The following MOK variants were observed in gnomAD, a reference collection of about 807,000 sequenced individuals.
MOK encodes the protein MOK protein kinase.
MOK carries 59 observed loss-of-function variants against 54.2 expected under a neutral mutation model. The ratio of observed to expected loss-of-function variants is 1.09; its 90% CI spans 0.88 to 1.35. MOK has a LOEUF of 1.35. Ranked by LOEUF, MOK falls within the 40% of genes most tolerant of loss-of-function variation. The probability of loss-of-function intolerance (pLI) is 0.00; values close to 1 mark genes in which losing one functional copy is unlikely to be tolerated. For synonymous variants in MOK, 210 were observed against 202.7 expected (o/e 1.04, Z -0.31); for missense variants, 517 against 526.2 (o/e 0.98, Z 0.17).
chr14:102,272,360 C>T (rs571353034), intron 2 of MOK, among the ~76,000 whole-genome samples: 5 of 152,042 alleles, frequency 3.3e-5, no homozygotes, highest in South Asian at 2.1e-4. Context: ...TGGTGGCACG[C>T]GCCTGTAATC....
At chr14:102,294,408 T>C (rs755310658) in intron 1 of MOK, among the ~76,000 whole-genome samples, 8 of 145,512 alleles carry the variant, frequency 5.5e-5, no homozygotes, top group Non-Finnish European at 1.0e-4. Flanking sequence ...ATAGCGCCAC[T>C]GCACTCCAGC....
At chr14:102,217,599 GTCCCT>G in the MOK span, among the ~76,000 whole-genome samples, 34 of 152,218 alleles carry the variant, frequency 2.2e-4, 1 homozygote, top group Admixed American at 1.8e-3. Context: ...GGGTCCCGAC[GTCCCT>G]GGGCTGGGCC....
chr14:102,287,317 A>G (rs941093765), intron 1 of MOK, among the ~76,000 whole-genome samples: 3 of 151,856 alleles, frequency 2.0e-5, no homozygotes, highest in Non-Finnish European at 4.4e-5. Flanking sequence ...ACAAATACAA[A>G]ACTTGGCCAG....
intron 10 of MOK, 112 bp from the exon 11 acceptor site, chr14:102,229,769 CATAAG>C: frequency 1.0e-6 from 1 of 999,832 alleles, no homozygotes; most frequent in Non-Finnish European, 1.4e-6. Context: ...ATTTCTTGAC[CATAAG>C]ATGTGACTGG....
At chr14:102,247,060 C>T (rs975230367) in intron 7 of MOK, among the ~76,000 whole-genome samples, 11 of 152,104 alleles carry the variant, frequency 7.2e-5, no homozygotes, top group Admixed American at 2.0e-4. Context: ...CCCTTGGCTC[C>T]CCTCTCCATG....
the MOK span, among the ~76,000 whole-genome samples, chr14:102,215,673 T>A: frequency 1.3e-5 from 2 of 152,146 alleles, no homozygotes; most frequent in Non-Finnish European, 2.9e-5. Context: ...CTAGAGTTCA[T>A]TGTCTGCCTA....
the MOK span, among the ~76,000 whole-genome samples, chr14:102,217,891 C>T: frequency 3.2e-4 from 49 of 152,378 alleles, 1 homozygote; most frequent in African/African-American, 7.7e-4. Context: ...ACATTTAACT[C>T]GTGTTCTCCC....
At chr14:102,227,789 G>A (rs552373274), downstream of MOK, among the ~76,000 whole-genome samples, 212 of 152,238 alleles carry the variant, frequency 1.4e-3, no homozygotes, top group Non-Finnish European at 2.0e-3. Flanking sequence ...CGCGTGGCCC[G>A]CGGTCCATCT....
At chr14:102,294,015 AG>A (rs1287954718) in intron 1 of MOK, among the ~76,000 whole-genome samples, 2 of 151,972 alleles carry the variant, frequency 1.3e-5, no homozygotes, top group African/African-American at 4.8e-5. Context: ...GATCACGGGA[AG>A]GGGCCAGGTG....
chr14:102,233,808 C>A lies in MOK; in HGVS notation c.591-19G>T, dbSNP rs376348272. On this transcript the variant is annotated intron_variant, in intron 7 of 11. Transcript: ENST00000361847. The stretch of plus-strand genomic sequence containing the variant: ...CTGCAGACTGGAAGGGCAGAAGGGG[C>A]ACTGTGGTCAGTGTTAGGGCAGAGC... The A allele has an allele frequency of 6.3e-7, 1 of 1,580,218 alleles. No homozygotes were observed. Among genetic ancestry groups the A allele is most frequent in the Admixed American group, 1.7e-5 (1 of 59,962 alleles).
At chr14:102,266,029 T>C in intron 2 of MOK, 117 bp from the exon 3 acceptor site, 1 of 742,540 alleles carries the variant, frequency 1.3e-6, no homozygotes, top group Non-Finnish European at 2.2e-6. Flanking sequence ...AGCAAGTTAA[T>C]CAGGTTTTAT....
intron 2 of MOK, among the ~76,000 whole-genome samples, chr14:102,282,803 G>A (rs2069587130): frequency 6.6e-6 from 1 of 151,958 alleles, no homozygotes; most frequent in African/African-American, 2.4e-5. Context: ...TGTAATCCCA[G>A]CACTTTGGAA....
At chr14:102,239,431 C>T (rs922660760) in intron 7 of MOK, among the ~76,000 whole-genome samples, 7 of 152,150 alleles carry the variant, frequency 4.6e-5, no homozygotes, top group Admixed American at 3.3e-4. Flanking sequence ...AAACAGGCCT[C>T]CTTCTGATTC....
chr14:102,224,123 G>C (rs1044347552), downstream of MOK, among the ~76,000 whole-genome samples: 3 of 146,644 alleles, frequency 2.0e-5, no homozygotes, highest in Non-Finnish European at 4.5e-5. Flanking sequence ...CTCACTGCAA[G>C]CTCCGCCTCC....
chr14:102,241,864 G>C (rs56870778), intron 7 of MOK, among the ~76,000 whole-genome samples: 31,132 of 152,230 alleles, frequency 0.2, 3,684 homozygotes, highest in African/African-American at 0.32. Flanking sequence ...GCAGTGGCCA[G>C]GCGTTCCTCC....
downstream of MOK, chr14:102,223,066 A>G (rs190431136): frequency 3.4e-3 from 1,977 of 587,622 alleles, 6 homozygotes; most frequent in Non-Finnish European, 4.8e-3. Context: ...CACCCAAAGA[A>G]GTTGTTTCCA....
chr14:102,277,239 TG>T (rs2068963446), intron 2 of MOK: 1 of 151,796 alleles, frequency 6.6e-6, no homozygotes, highest in Non-Finnish European at 1.5e-5. Context: ...AGCCCAAAAC[TG>T]GAAACTATCA....
chr14:102,293,701 C>CAAAAAAAAAAAA (rs10598736), intron 1 of MOK, among the ~76,000 whole-genome samples: 10 of 54,606 alleles, frequency 1.8e-4, no homozygotes, highest in East Asian at 9.7e-4. Context: ...AACTCCATCA[C>CAAAAAAAAAAAA]AAAAAAAAAA....
At position 102,256,093 on chromosome 14, in the gene MOK, G is replaced by A. The variant is rs551534779; in HGVS notation, c.284-4098C>T. Among the ~76,000 whole-genome samples the A allele has an allele frequency of 1.1e-3, 168 of 151,148 alleles. 1 individual carries two copies. Among genetic ancestry groups the A allele is most frequent in the African/African-American group, 4.1e-3 (166 of 40,808 alleles). On this transcript the variant is annotated intron_variant, in intron 4 of 11. Transcript: ENST00000361847. ...GAACTAGCCATTCATTAAGGCAAAT[G>A]AGTTATTATTATTTTTTTTTTTTGA...
Sources: allele counts gnomAD v4.1 joint callset (sites outside exome capture counted in the v4.1 genomes callset), GRCh38; gene constraint gnomAD v4.1.1; transcripts MANE v1.5; gene names NCBI Gene and HGNC (gene_info 2026-07-23, HGNC 2026-07-21).